MYO1D: variants seen among roughly 807,000 people sequenced by gnomAD.
The protein encoded by MYO1D is unconventional myosin-Id.
A neutral mutation model predicts 122.0 loss-of-function variants in MYO1D; 83 were observed. That is an observed-to-expected ratio of 0.68 (90% CI 0.57 to 0.82). The LOEUF is 0.82. MYO1D is among the 40% of genes least tolerant of loss of function. The probability of loss-of-function intolerance (pLI) is 0.00; values close to 1 mark genes in which losing one functional copy is unlikely to be tolerated. For missense variants in MYO1D, 1,157 were observed against 1,269.5 expected, an observed-to-expected ratio of 0.91 and a Z score of 1.35; for synonymous variants, 464 against 446.9, an observed-to-expected ratio of 1.04 and a Z score of -0.48.
At chr17:32,829,063 T>C (rs1365036866) in intron 1 of MYO1D, among the ~76,000 whole-genome samples, 1 of 152,130 alleles carries the variant, frequency 6.6e-6, no homozygotes, top group Non-Finnish European at 1.5e-5. Flanking sequence ...AAAATGGAAA[T>C]GCTAGAAAGA....
chr17:32,568,834 G>C (rs1228861789), intron 21 of MYO1D, among the ~76,000 whole-genome samples: 4 of 152,228 alleles, frequency 2.6e-5, no homozygotes, highest in Non-Finnish European at 5.9e-5. Flanking sequence ...CTCCAGAGCA[G>C]CTCGAAGTGC....
intron 21 of MYO1D, chr17:32,504,519 G>A (rs62065494): frequency 1.3e-5 from 2 of 152,166 alleles, no homozygotes; most frequent in African/African-American, 4.8e-5. Flanking sequence ...TGGGGTGGGT[G>A]GGCTTCCCAG....
intron 20 of MYO1D, among the ~76,000 whole-genome samples, chr17:32,615,273 A>G (rs139025021): frequency 0.015 from 2,229 of 152,332 alleles, 19 homozygotes; most frequent in Non-Finnish European, 0.022. Context: ...AGAGGAGGTC[A>G]GTGAGGGCCT....
In MYO1D at chr17:32,721,123, G is replaced by A. The variant is rs375202047; in HGVS notation, c.1813C>T (p.Arg605Cys). Reference protein sequence around the residue: ...KKSPQIFDDERCRHQVEYLGL... With the variant: ...KKSPQIFDDECCRHQVEYLGL... ...AGATATTCTACTTGGTGCCGGCAGC[G>A]TTCATCATCAAATATCTGTGGAGAT... The change falls in exon 15 of 22, where the codon CGC (arginine) becomes TGC (cysteine). Residue 605 changes from arginine to cysteine, a missense_variant. Transcript: ENST00000318217. 37 of 1,613,972 alleles carry A rather than the reference G, an allele frequency of 2.3e-5. No individual in the cohort carries two copies. The highest frequency in any genetic ancestry group is 6.7e-5 in the Admixed American group (4 of 59,994).
chr17:32,639,363 TTGTGTGTGTGTGTG>T (rs10674390), intron 19 of MYO1D, among the ~76,000 whole-genome samples: 12 of 128,268 alleles, frequency 9.4e-5, no homozygotes, highest in South Asian at 7.9e-4. Flanking sequence ...GGGAGAAATT[TTGTGTGTGTGTGTG>T]TGTGTGTGTG....
In MYO1D at chr17:32,709,622, T is replaced by C. The variant is rs34133775; in HGVS notation, c.2121+2366A>G. Among the ~76,000 whole-genome samples the C allele has an allele frequency of 4.3e-3, 661 of 152,136 alleles. 3 individuals are homozygous for C. Among genetic ancestry groups the C allele is most frequent in the African/African-American group, 0.015 (642 of 41,484 alleles). On this transcript the variant is annotated intron_variant, in intron 16 of 21. Coordinates refer to ENST00000318217, the MANE Select transcript of MYO1D (RefSeq NM_015194.3). ...TGTTTTGGGATGAAACAGAATTTAGTATTCCAGTCCAAATGTTTTCCTGAG... is the reference window on the plus strand; with the variant it reads ...TGTTTTGGGATGAAACAGAATTTAGCATTCCAGTCCAAATGTTTTCCTGAG...
intron 19 of MYO1D, 55 bp downstream of exon 19, chr17:32,653,788 T>C (rs2088432591): frequency 2.0e-6 from 3 of 1,473,422 alleles, no homozygotes. Flanking sequence ...CTTAAGTGAG[T>C]TTCATCTGAA....
intron 21 of MYO1D, among the ~76,000 whole-genome samples, chr17:32,578,016 G>A (rs1238314634): frequency 6.6e-6 from 1 of 152,210 alleles, no homozygotes; most frequent in Admixed American, 6.5e-5. Flanking sequence ...TGGGATTACA[G>A]GCGTGAGCCA....
At chr17:32,592,679 A>T (rs1286980113) in intron 21 of MYO1D, among the ~76,000 whole-genome samples, 1 of 148,468 alleles carries the variant, frequency 6.7e-6, no homozygotes, top group Non-Finnish European at 1.5e-5. Context: ...TGCCAGAATA[A>T]GATGGAACTG....
At chr17:32,679,159 G>A (rs1035493370) in intron 16 of MYO1D, among the ~76,000 whole-genome samples, 3 of 151,836 alleles carry the variant, frequency 2.0e-5, no homozygotes, top group Non-Finnish European at 2.9e-5. Flanking sequence ...CTGGATATTA[G>A]CCCTTTGTCA....
At chr17:32,552,416 C>T (rs1277759638) in intron 21 of MYO1D, among the ~76,000 whole-genome samples, 1 of 145,114 alleles carries the variant, frequency 6.9e-6, no homozygotes, top group Non-Finnish European at 1.5e-5. Context: ...ATCCATCCAT[C>T]CACCCATCCA....
intron 21 of MYO1D, among the ~76,000 whole-genome samples, chr17:32,537,266 G>T (rs1910690731): frequency 6.6e-6 from 1 of 152,160 alleles, no homozygotes; most frequent in African/African-American, 2.4e-5. Flanking sequence ...TATATCAGGG[G>T]CTGGGAAACT....
rs201272599 is a variant in MYO1D, at chr17:32,713,809, A to G, written c.1914-1614T>C. Among the ~76,000 whole-genome samples, 24 of 152,176 alleles carry G rather than the reference A, an allele frequency of 1.6e-4. 1 individual carries two copies. In the East Asian group the frequency reaches 4.6e-3, roughly 29 times the overall value. Reference sequence around the variant, plus strand: ...CAGCTAATTTTTTTGTTAACAGTAGAGATGGGGTTTTACCATGTTGGCCAG... The same window carrying G: ...CAGCTAATTTTTTTGTTAACAGTAGGGATGGGGTTTTACCATGTTGGCCAG... On this transcript the variant is annotated intron_variant, in intron 15 of 21. Coordinates refer to ENST00000318217, the MANE Select transcript of MYO1D (RefSeq NM_015194.3).
At chr17:32,578,457 G>A (rs1271304489) in intron 21 of MYO1D, among the ~76,000 whole-genome samples, 1 of 152,328 alleles carries the variant, frequency 6.6e-6, no homozygotes, top group Admixed American at 6.5e-5. Context: ...CCGAGTTTAG[G>A]ACATACCCAC....
At chr17:32,781,922 AGTG>A (rs1444386597) in intron 1 of MYO1D, among the ~76,000 whole-genome samples, 1 of 152,246 alleles carries the variant, frequency 6.6e-6, no homozygotes, top group Non-Finnish European at 1.5e-5. Context: ...CCACATAACA[AGTG>A]GTTACCACCA....
At chr17:32,645,456 T>C (rs1418549540) in intron 19 of MYO1D, among the ~76,000 whole-genome samples, 1 of 152,160 alleles carries the variant, frequency 6.6e-6, no homozygotes, top group Non-Finnish European at 1.5e-5. Context: ...GCCTGCCTTG[T>C]TAGGTTGGGG....
intron 14 of MYO1D, among the ~76,000 whole-genome samples, chr17:32,732,052 G>A (rs1044172013): frequency 6.6e-6 from 1 of 152,190 alleles, no homozygotes; most frequent in Non-Finnish European, 1.5e-5. Context: ...CGCACACTTG[G>A]GGCAGTGCTG....
In MYO1D at chr17:32,692,282, C is replaced by A. The variant is rs111819138; in HGVS notation, c.2121+19706G>T. ...TGAGCAATTTTTGATACACTTAGAT[C>A]TCTTGGTAGTAGTTATATACATTTG... On this transcript the variant is annotated intron_variant, in intron 16 of 21. Transcript: ENST00000318217. 3.2e-3 allele frequency among the ~76,000 whole-genome samples: 494 copies of A among 152,270 alleles called. 1 individual carries two copies. The highest frequency in any genetic ancestry group is 0.011 in the African/African-American group (471 of 41,560).
intron 21 of MYO1D, among the ~76,000 whole-genome samples, chr17:32,548,809 G>C (rs1347882221): frequency 1.3e-5 from 2 of 151,196 alleles, no homozygotes; most frequent in Admixed American, 6.6e-5. Flanking sequence ...TGCCTCCCGG[G>C]TTCAAGCAAT....
Sources: allele counts gnomAD v4.1 joint callset (sites outside exome capture counted in the v4.1 genomes callset), GRCh38; gene constraint gnomAD v4.1.1; transcripts MANE v1.5; gene names NCBI Gene and HGNC (gene_info 2026-07-23, HGNC 2026-07-21).